The following DSG1 variants were observed in gnomAD, a reference collection of about 807,000 sequenced individuals.
DSG1 encodes desmoglein-1.
DSG1 carries 39 observed loss-of-function variants against 97.5 expected under a neutral mutation model. The observed-to-expected ratio is 0.40, with a 90% CI of 0.31 to 0.52. The LOEUF is 0.52. DSG1 is among the 20% of genes least tolerant of loss of function. The pLI, the probability that DSG1 is intolerant of heterozygous loss-of-function variation, is 0.53. For synonymous variants in DSG1, 475 were observed against 443.4 expected (o/e 1.07, Z -0.90); for missense variants, 1,311 against 1,295.4 (o/e 1.01, Z -0.18).
At chr18:31,349,792 G>T in intron 14 of DSG1, among the ~76,000 whole-genome samples, 1 of 58,796 alleles carries the variant, frequency 1.7e-5, no homozygotes, top group Non-Finnish European at 3.0e-5. Flanking sequence ...GTATAAGAAT[G>T]CTTGTGATTT....
At chr18:31,340,097 TC>T in intron 11 of DSG1, 72 bp downstream of exon 11, 2 of 1,447,756 alleles carry the variant, frequency 1.4e-6, no homozygotes, top group Non-Finnish European at 1.9e-6. Flanking sequence ...GTTTTCTGAT[TC>T]TTTGATAAAA....
intron 5 of DSG1, among the ~76,000 whole-genome samples, chr18:31,331,442 T>C (rs1441583081): frequency 6.6e-6 from 1 of 151,988 alleles, no homozygotes; most frequent in African/African-American, 2.4e-5. Context: ...GAAGAAGAAA[T>C]AGAAAGCCAG....
At chr18:31,322,349 T>C (rs1455303190) in intron 1 of DSG1, among the ~76,000 whole-genome samples, 3 of 152,206 alleles carry the variant, frequency 2.0e-5, no homozygotes, top group Non-Finnish European at 2.9e-5. Context: ...CTCCAAAAAA[T>C]TATCACGCTA....
rs146820029 is a variant in DSG1 at position 31,339,826 on chromosome 18, G to A, written c.1488G>A (p.Pro496=). 56 of 1,613,478 alleles carry A rather than the reference G, an allele frequency of 3.5e-5. No individual in the cohort carries two copies. The highest frequency in any genetic ancestry group is 1.5e-4 in the African/African-American group (11 of 74,844). ...FGNDDRTNTE[P]NTKITTNTGR... Reference sequence around the variant, plus strand: ...ATGACGACAGGACTAATACAGAGCCGAACACTAAAATTACTACCAATACTG... The same window carrying A: ...ATGACGACAGGACTAATACAGAGCCAAACACTAAAATTACTACCAATACTG... Residue 496 remains proline, a synonymous_variant, in exon 11 of 15, where the codon CCG becomes CCA. Coordinates refer to ENST00000257192, the MANE Select transcript of DSG1 (RefSeq NM_001942.4).
At chr18:31,327,480 C>A (rs894760773) in intron 3 of DSG1, among the ~76,000 whole-genome samples, 17 of 152,022 alleles carry the variant, frequency 1.1e-4, no homozygotes, top group African/African-American at 4.1e-4. Context: ...AAACACCCCC[C>A]ACAAATTCAT....
intron 14 of DSG1, among the ~76,000 whole-genome samples, chr18:31,353,065 G>A (rs2071914214): frequency 6.8e-6 from 1 of 146,956 alleles, no homozygotes; most frequent in African/African-American, 2.5e-5. Flanking sequence ...AGAGTTTCCA[G>A]TTTTTCTGTT....
At chr18:31,342,832 T>C (rs1363269772) in intron 11 of DSG1, among the ~76,000 whole-genome samples, 2 of 152,130 alleles carry the variant, frequency 1.3e-5, no homozygotes, top group Non-Finnish European at 2.9e-5. Context: ...TGTTCTCTCC[T>C]TTAATATTTT....
intron 13 of DSG1, among the ~76,000 whole-genome samples, chr18:31,344,891 TTAAAC>T (rs1410285680): frequency 2.0e-5 from 3 of 152,210 alleles, no homozygotes; most frequent in East Asian, 1.9e-4. Context: ...GTTTTCTACT[TTAAAC>T]TAACAGGCAT....
Position 31,355,020 on chromosome 18 carries a change from G to A in DSG1, c.2824G>A (p.Glu942Lys), listed in dbSNP as rs757887746. 83 of 1,614,082 alleles carry A rather than the reference G, an allele frequency of 5.1e-5. No individual in the cohort carries two copies. Among genetic ancestry groups the A allele is most frequent in the Non-Finnish European group, 6.8e-5 (80 of 1,180,044 alleles). ...GMIGSLSMHPELANAHNVIVT... is the reference protein window; with the variant it reads ...GMIGSLSMHPKLANAHNVIVT... ...GATAGGTAGTCTGAGTATGCACCCC[G>A]AGTTAGCCAATGCCCACAATGTCAT... is the stretch of plus-strand genomic sequence containing the variant. The change falls in exon 15 of 15, where the codon GAG becomes AAG. Residue 942 changes from glutamate to lysine, a missense_variant. Transcript: ENST00000257192.
intron 5 of DSG1, 34 bp from the exon 6 acceptor site, chr18:31,331,667 C>A: frequency 1.3e-6 from 2 of 1,599,814 alleles, no homozygotes; most frequent in East Asian, 2.2e-5. Context: ...AAATGTAAAT[C>A]ACCCATTTGC....
intron 4 of DSG1, among the ~76,000 whole-genome samples, chr18:31,329,130 A>C (rs1233587714): frequency 1.3e-5 from 2 of 152,130 alleles, no homozygotes; most frequent in African/African-American, 4.8e-5. Context: ...GCATATTCCA[A>C]GACATTTCCA....
intron 1 of DSG1, among the ~76,000 whole-genome samples, chr18:31,319,248 A>T (rs972509566): frequency 4.6e-5 from 7 of 152,202 alleles, no homozygotes; most frequent in Non-Finnish European, 8.8e-5. Context: ...ATGTAATTCA[A>T]AAAGGCAGGT....
At chr18:31,347,730 G>A (rs1391518674) in intron 14 of DSG1, 1 of 152,106 alleles carries the variant, frequency 6.6e-6, no homozygotes, top group Non-Finnish European at 1.5e-5. Flanking sequence ...CTTTAATTTT[G>A]TAGAACAGAC....
rs2071953978 is a variant in DSG1 at position 31,355,934 on chromosome 18, G to A, written c.*588G>A. 6.5e-6 allele frequency: 1 copy of A among 153,684 alleles called. No individual in the cohort carries two copies. The highest frequency in any genetic ancestry group is 2.4e-5 in the African/African-American group (1 of 41,408). The allele number at this position is 153,684 out of a possible 1,614,324, so 9.5% of individuals were successfully genotyped here. On this transcript the variant is annotated 3_prime_UTR_variant, in exon 15 of 15. Transcript: ENST00000257192. ...ATTCCAAATTAGGAAGTGTTTCCTA[G>A]GAGGAAAATTCCATTAGAGAGTGGC...
intron 5 of DSG1, 120 bp from the exon 6 acceptor site, chr18:31,331,581 G>A (rs946520840): frequency 2.7e-5 from 23 of 841,114 alleles, no homozygotes; most frequent in Non-Finnish European, 4.3e-5. Context: ...AGAAAGGGAA[G>A]ACAGTGAAGT....
chr18:31,355,092 G>T lies in DSG1; in HGVS notation c.2896G>T (p.Gly966Cys). ...VSGAGVTGISGTTGISGGIGS... is the reference protein window; with the variant it reads ...VSGAGVTGISCTTGISGGIGS... Reference sequence around the variant, plus strand: ...TGGTGCTGGCGTAACTGGAATTAGTGGCACCACTGGGATCAGCGGTGGCAT... The same window carrying T: ...TGGTGCTGGCGTAACTGGAATTAGTTGCACCACTGGGATCAGCGGTGGCAT... Residue 966 changes from glycine to cysteine, a missense_variant, in exon 15 of 15, where the codon GGC (glycine) becomes TGC (cysteine). Gly to Cys is a radical substitution (Grantham distance 159). This residue lies in a region of DSG1 where 1,038 missense variants were observed against 964.6 expected (regional missense o/e 1.08). Coordinates refer to ENST00000257192, the MANE Select transcript of DSG1 (RefSeq NM_001942.4). The T allele has an allele frequency of 6.2e-7, 1 of 1,614,174 alleles. No individual in the cohort carries two copies. Among genetic ancestry groups the T allele is most frequent in the East Asian group, 2.2e-5 (1 of 44,874 alleles).
chr18:31,349,283 C>T (rs1213311611), intron 14 of DSG1, among the ~76,000 whole-genome samples: 8 of 139,384 alleles, frequency 5.7e-5, no homozygotes, highest in East Asian at 2.1e-4. Context: ...TGTAGATATG[C>T]GGTGTTATTT....
Position 31,343,981 on chromosome 18 carries a change from G to A in DSG1, c.1877G>A (p.Cys626Tyr). 4.3e-6 allele frequency: 7 copies of A among 1,612,254 alleles called. No individual in the cohort carries two copies. The highest frequency in any genetic ancestry group is 5.9e-6 in the Non-Finnish European group (7 of 1,178,556). The change falls in exon 13 of 15, where the codon TGC (cysteine) becomes TAC (tyrosine). Residue 626 changes from cysteine (C) to tyrosine (Y), a missense_variant. Physicochemically the swap from Cys to Tyr is radical, Grantham distance 194 (BLOSUM62 -2). Around this residue, in one of 3 missense-constraint regions of DSG1, gnomAD observed 1,038 missense variants for 964.6 expected, o/e 1.08. Transcript: ENST00000257192. ...CCTGATAACGCAAATATAATTGAAT[G>A]CATTGACAACTCAGGTAAGAAAAAA... ...IPPDNANIIE[C>Y]IDNSGVYTNE...
chr18:31,345,650 TG>T (rs2071826802), intron 13 of DSG1, among the ~76,000 whole-genome samples: 1 of 152,180 alleles, frequency 6.6e-6, no homozygotes, highest in South Asian at 2.1e-4. Flanking sequence ...AGTTATACAC[TG>T]TTTTTTTAAC....
Sources: allele counts gnomAD v4.1 joint callset (sites outside exome capture counted in the v4.1 genomes callset), GRCh38; gene constraint gnomAD v4.1.1; regional missense constraint gnomAD v4.1.1; transcripts MANE v1.5; gene names NCBI Gene and HGNC (gene_info 2026-07-23, HGNC 2026-07-21).